LRP1B: variants seen among roughly 807,000 people sequenced by gnomAD.
The protein encoded by LRP1B is low-density lipoprotein receptor-related protein 1B.
A neutral mutation model predicts 556.6 loss-of-function variants in LRP1B; 217 were observed. The observed-to-expected ratio is 0.39, with a 90% CI of 0.35 to 0.44. The LOEUF is 0.44. Among genes scored for constraint, LRP1B ranks in the 20% least tolerant of loss-of-function variants. LRP1B has a pLI of 1.00. For synonymous variants in LRP1B, 2,047 were observed against 1,865.8 expected, an observed-to-expected ratio of 1.10 and a Z score of -2.50; for missense variants, 5,053 against 5,620.8, an observed-to-expected ratio of 0.90 and a Z score of 3.23.
rs2105117313 is a variant in LRP1B at position 140,850,128 on chromosome 2, G to C, written c.4913C>G (p.Thr1638Ser). 6.2e-7 allele frequency: 1 copy of C among 1,611,662 alleles called. No individual in the cohort carries two copies. Reference sequence around the variant, plus strand: ...TCTTGAAATAACAGTTTCTAACCCAGTTCCGTTAATAAAAGCTCGTTTAAT... The same window carrying C: ...TCTTGAAATAACAGTTTCTAACCCACTTCCGTTAATAAAAGCTCGTTTAAT... ...QTIKRAFING[T>S]GLETVISRDI... Residue 1638 changes from threonine (T) to serine (S), a missense_variant, in exon 29 of 91, where the codon ACT becomes AGT. By Grantham distance (58) the Thr-to-Ser change is moderately conservative. Coordinates refer to ENST00000389484, the MANE Select transcript of LRP1B (RefSeq NM_018557.3).
chr2:140,506,849 A>G lies in LRP1B; in HGVS notation c.8468T>C (p.Val2823Ala). The stretch of plus-strand genomic sequence containing the variant: ...TCCACAGTCGTCATCATGGTCACAA[A>G]CAAATTGCTTGGGAATGCATACTTT... ...HNKVCIPKQF[V>A]CDHDDDCGDG... The change falls in exon 53 of 91, where the codon GTT becomes GCT. Residue 2823 changes from valine (V) to alanine (A), a missense_variant. Val to Ala is a moderately conservative substitution (Grantham distance 64). Around this residue, in one of 5 missense-constraint regions of LRP1B, gnomAD observed 3,619 missense variants for 3,931.9 expected, o/e 0.92. Transcript: ENST00000389484. 1 of 1,614,076 alleles carries G rather than the reference A, an allele frequency of 6.2e-7. No individual in the cohort carries two copies. Among genetic ancestry groups the G allele is most frequent in the South Asian group, 1.1e-5 (1 of 91,082 alleles).
chr2:141,187,267 AC>A (rs1236280595), intron 7 of LRP1B, among the ~76,000 whole-genome samples: 3 of 152,090 alleles, frequency 2.0e-5, no homozygotes, highest in Non-Finnish European at 4.4e-5. Flanking sequence ...CAAAGTTCTT[AC>A]GTGCAAGCTG....
chr2:140,370,140 G>A lies in LRP1B; in HGVS notation c.11008+570C>T, dbSNP rs192342670. On this transcript the variant is annotated intron_variant, in intron 71 of 90. Transcript: ENST00000389484. ...TGTTATCTGTCAGAAAATAATCTTC[G>A]CACAGCTAGGAAATAATATATGACA... is the stretch of plus-strand genomic sequence containing the variant. Among the ~76,000 whole-genome samples the A allele has an allele frequency of 9.9e-5, 15 of 151,960 alleles. No homozygotes were observed. The East Asian group carries it at 1.7e-3, about 18-fold the overall frequency.
chr2:141,171,985 G>A (rs1445196617), intron 7 of LRP1B, among the ~76,000 whole-genome samples: 1 of 152,072 alleles, frequency 6.6e-6, no homozygotes, highest in Non-Finnish European at 1.5e-5. Context: ...ACATTCTGAT[G>A]CAGCACAAAG....
chr2:140,625,692 A>G (rs1683631713), intron 41 of LRP1B, among the ~76,000 whole-genome samples: 1 of 152,194 alleles, frequency 6.6e-6, no homozygotes, highest in African/African-American at 2.4e-5. Flanking sequence ...ATACTACTAC[A>G]TCTCTATTAG....
chr2:140,945,160 A>C (rs1054641419), intron 20 of LRP1B, among the ~76,000 whole-genome samples: 6 of 152,120 alleles, frequency 3.9e-5, no homozygotes, highest in Non-Finnish European at 8.8e-5. Context: ...AATAGCTACA[A>C]AAATAAAATA....
chr2:141,187,925 G>A (rs1025705563), intron 7 of LRP1B, among the ~76,000 whole-genome samples: 15 of 151,896 alleles, frequency 9.9e-5, no homozygotes, highest in African/African-American at 3.4e-4. Context: ...AACAGTCATC[G>A]AACGTAAGAG....
chr2:140,903,226 A>G (rs1450185869), intron 22 of LRP1B, 61 bp from the exon 23 acceptor site: 8 of 1,547,666 alleles, frequency 5.2e-6, no homozygotes, highest in Non-Finnish European at 7.0e-6. Flanking sequence ...TTAAATACTA[A>G]TCATTGAACT....
chr2:140,810,786 G>C (rs1690891539), intron 32 of LRP1B, among the ~76,000 whole-genome samples: 1 of 152,158 alleles, frequency 6.6e-6, no homozygotes, highest in African/African-American at 2.4e-5. Context: ...GCCCAGGCTA[G>C]AGTGCAATGG....
chr2:140,843,729 T>A (rs1055038478), intron 29 of LRP1B, among the ~76,000 whole-genome samples: 3 of 152,152 alleles, frequency 2.0e-5, no homozygotes, highest in Non-Finnish European at 4.4e-5. Flanking sequence ...ATGTCTCTTG[T>A]GTATCTCAGC....
intron 2 of LRP1B, among the ~76,000 whole-genome samples, chr2:141,682,236 G>A (rs1691130936): frequency 6.6e-6 from 1 of 151,822 alleles, no homozygotes; most frequent in African/African-American, 2.4e-5. Context: ...TATTTGCAAT[G>A]CTTAGCCCAA....
chr2:141,030,948 C>T (rs1321648650), intron 11 of LRP1B, among the ~76,000 whole-genome samples: 3 of 151,648 alleles, frequency 2.0e-5, no homozygotes, highest in East Asian at 1.9e-4. Context: ...AGTCTATGAC[C>T]GAGTCTAAAA....
chr2:141,842,572 A>G (rs1482526144), intron 1 of LRP1B, among the ~76,000 whole-genome samples: 1 of 152,124 alleles, frequency 6.6e-6, no homozygotes, highest in African/African-American at 2.4e-5. Flanking sequence ...CTGACACAAA[A>G]TAGTGTTAAA....
chr2:140,285,027 T>TAC (rs202228493), intron 84 of LRP1B, among the ~76,000 whole-genome samples: 4 of 107,320 alleles, frequency 3.7e-5, no homozygotes, highest in African/African-American at 1.1e-4. Context: ...TGTGTGTGTG[T>TAC]ATATATATAT....
At chr2:141,464,606 A>ATATATTTTTTTTTTTTT in intron 3 of LRP1B, among the ~76,000 whole-genome samples, 4 of 90,558 alleles carry the variant, frequency 4.4e-5, no homozygotes, top group Admixed American at 1.2e-4. Context: ...ATATATATAT[A>ATATATTTTTTTTTTTTT]TTTTTTTAGT....
chr2:140,288,310 G>A (rs933968571), intron 84 of LRP1B, among the ~76,000 whole-genome samples: 93 of 151,788 alleles, frequency 6.1e-4, no homozygotes, highest in African/African-American at 2.2e-3. Context: ...CCAGTTTGTA[G>A]TGATTAAATC....
chr2:141,755,546 A>G (rs947781554), intron 2 of LRP1B, among the ~76,000 whole-genome samples: 13 of 152,082 alleles, frequency 8.5e-5, no homozygotes, highest in African/African-American at 2.9e-4. Flanking sequence ...GAGAAAAATC[A>G]TGTTTACTGC....
At chr2:141,856,624 T>C (rs1698060578) in intron 1 of LRP1B, among the ~76,000 whole-genome samples, 1 of 152,166 alleles carries the variant, frequency 6.6e-6, no homozygotes, top group Non-Finnish European at 1.5e-5. Context: ...TTTCTTTTCT[T>C]GCATTTTTAA....
chr2:141,494,877 G>A (rs1408775669), intron 2 of LRP1B, among the ~76,000 whole-genome samples: 2 of 150,842 alleles, frequency 1.3e-5, no homozygotes, highest in Admixed American at 6.7e-5. Context: ...TACTAATAGC[G>A]GTAATGACAC....
Sources: allele counts gnomAD v4.1 joint callset (sites outside exome capture counted in the v4.1 genomes callset), GRCh38; gene constraint gnomAD v4.1.1; regional missense constraint gnomAD v4.1.1; transcripts MANE v1.5; gene names NCBI Gene and HGNC (gene_info 2026-07-23, HGNC 2026-07-21).